The following CTNNA2 variants were observed in gnomAD, a reference collection of about 807,000 sequenced individuals.
CTNNA2 encodes the protein catenin alpha-2.
Under a neutral mutation model 101.0 loss-of-function variants are expected in CTNNA2, and 42 were observed. That is an observed-to-expected ratio of 0.42 (90% CI 0.32 to 0.54). The LOEUF (loss-of-function observed/expected upper bound fraction) is 0.54. CTNNA2 is among the 20% of genes least tolerant of loss of function. The pLI, the probability that CTNNA2 is intolerant of heterozygous loss-of-function variation, is 0.14. For missense variants in CTNNA2, 871 were observed against 1,223.1 expected, an observed-to-expected ratio of 0.71 and a Z score of 4.29; for synonymous variants, 450 against 456.4, an observed-to-expected ratio of 0.99 and a Z score of 0.18.
intron 12 of CTNNA2, among the ~76,000 whole-genome samples, chr2:80,568,989 G>C (rs1251928096): frequency 1.3e-5 from 2 of 152,110 alleles, no homozygotes; most frequent in Non-Finnish European, 2.9e-5. Flanking sequence ...CTTAAAGCAG[G>C]GGTAAGGACC....
chr2:80,002,051 T>G (rs995008174), intron 7 of CTNNA2, among the ~76,000 whole-genome samples: 6 of 152,218 alleles, frequency 3.9e-5, no homozygotes, highest in Non-Finnish European at 7.3e-5. Flanking sequence ...AAACAATGTG[T>G]TTTTTAAGTG....
chr2:79,458,969 C>G (rs187437765), intron 4 of CTNNA2, among the ~76,000 whole-genome samples: 1 of 151,968 alleles, frequency 6.6e-6, no homozygotes, highest in Non-Finnish European at 1.5e-5. Flanking sequence ...TCCTGACACT[C>G]CAATTCTTTC....
chr2:80,318,613 A>C (rs992431873), intron 7 of CTNNA2, among the ~76,000 whole-genome samples: 2 of 152,236 alleles, frequency 1.3e-5, no homozygotes, highest in African/African-American at 4.8e-5. Flanking sequence ...TGAAGGAAAC[A>C]TGCAATACAA....
intron 7 of CTNNA2, among the ~76,000 whole-genome samples, chr2:80,258,303 AT>A (rs1380607439): frequency 6.6e-6 from 1 of 152,118 alleles, no homozygotes; most frequent in South Asian, 2.1e-4. Context: ...ATCTCAGGTT[AT>A]TTTTTTGCAC....
At chr2:79,742,936 T>G (rs1671392734) in intron 2 of CTNNA2, among the ~76,000 whole-genome samples, 1 of 152,236 alleles carries the variant, frequency 6.6e-6, no homozygotes, top group African/African-American at 2.4e-5. Context: ...TTACATTTAT[T>G]CAATCCTTTT....
At chr2:80,304,010 A>G (rs1676652976) in intron 7 of CTNNA2, 3 of 558,030 alleles carry the variant, frequency 5.4e-6, no homozygotes, top group South Asian at 1.1e-4. Context: ...AAGCATGCAG[A>G]AAGCTGGGCA....
intron 13 of CTNNA2, among the ~76,000 whole-genome samples, chr2:80,574,569 A>G (rs955972491): frequency 1.3e-5 from 2 of 152,178 alleles, no homozygotes; most frequent in Non-Finnish European, 2.9e-5. Context: ...TCAGTTTCAT[A>G]CAACCTTTAG....
chr2:79,437,184 T>C (rs1678725529), intron 4 of CTNNA2, among the ~76,000 whole-genome samples: 1 of 150,410 alleles, frequency 6.6e-6, no homozygotes, highest in Non-Finnish European at 1.5e-5. Flanking sequence ...CAATGAGCCA[T>C]GACTGTGCCA....
chr2:80,069,436 A>G (rs1255294497), intron 7 of CTNNA2, among the ~76,000 whole-genome samples: 2 of 152,174 alleles, frequency 1.3e-5, no homozygotes, highest in Non-Finnish European at 1.5e-5. Context: ...CTTCTTTTTA[A>G]ATCATACTTT....
intron 2 of CTNNA2, among the ~76,000 whole-genome samples, chr2:79,311,554 A>C (rs6747028): frequency 0.083 from 12,611 of 152,132 alleles, 556 homozygotes; most frequent in African/African-American, 0.092. Context: ...CTTAAAAGAT[A>C]GTGCGTCCCC....
intron 2 of CTNNA2, among the ~76,000 whole-genome samples, chr2:79,675,320 G>A (rs1036537080): frequency 9.2e-5 from 14 of 152,124 alleles, no homozygotes; most frequent in African/African-American, 3.1e-4. Context: ...CTAATTTTAT[G>A]GCGGTGGACA....
At chr2:80,243,202 G>C (rs1406668202) in intron 7 of CTNNA2, among the ~76,000 whole-genome samples, 1 of 152,188 alleles carries the variant, frequency 6.6e-6, no homozygotes, top group Admixed American at 6.5e-5. Flanking sequence ...CAGACACTAA[G>C]GGGGAATTCC....
chr2:79,246,796 AG>A (rs757270137), intron 2 of CTNNA2, among the ~76,000 whole-genome samples: 5 of 152,242 alleles, frequency 3.3e-5, no homozygotes, highest in Admixed American at 6.5e-5. Context: ...TTGAAAGAGA[AG>A]GAAGTTTTTA....
chr2:79,201,598 A>C (rs573371066), intron 2 of CTNNA2, among the ~76,000 whole-genome samples: 1 of 152,286 alleles, frequency 6.6e-6, no homozygotes, highest in African/African-American at 2.4e-5. Flanking sequence ...CTAGCAAAAT[A>C]ATCTTTAAAT....
chr2:80,169,565 G>A (rs1482356894), intron 7 of CTNNA2, among the ~76,000 whole-genome samples: 1 of 152,102 alleles, frequency 6.6e-6, no homozygotes, highest in East Asian at 1.9e-4. Flanking sequence ...GTCAGCATCT[G>A]GCCTGTGACC....
At chr2:79,726,357 C>G (rs955921925) in intron 2 of CTNNA2, among the ~76,000 whole-genome samples, 1 of 152,156 alleles carries the variant, frequency 6.6e-6, no homozygotes, top group African/African-American at 2.4e-5. Context: ...TGGACCAGTA[C>G]CTGTCCGTGG....
chr2:80,500,506 C>A (rs1189266538), intron 9 of CTNNA2, among the ~76,000 whole-genome samples: 1 of 152,176 alleles, frequency 6.6e-6, no homozygotes, highest in Non-Finnish European at 1.5e-5. Flanking sequence ...AATGGATGAT[C>A]CAGTACCCAA....
intron 9 of CTNNA2, among the ~76,000 whole-genome samples, chr2:80,431,817 CA>C (rs1344809820): frequency 6.6e-6 from 1 of 152,062 alleles, no homozygotes; most frequent in Non-Finnish European, 1.5e-5. Flanking sequence ...TGTCACATAC[CA>C]AAACCTACAC....
At chr2:79,626,232 G>A (rs1338809932) in intron 1 of CTNNA2, among the ~76,000 whole-genome samples, 1 of 152,142 alleles carries the variant, frequency 6.6e-6, no homozygotes, top group Non-Finnish European at 1.5e-5. Context: ...GTGATACAAT[G>A]TGCTCTGTTC....
Sources: allele counts gnomAD v4.1 joint callset (sites outside exome capture counted in the v4.1 genomes callset), GRCh38; gene constraint gnomAD v4.1.1; transcripts MANE v1.5; gene names NCBI Gene and HGNC (gene_info 2026-07-23, HGNC 2026-07-21).